Variants in SNX29 observed in about 807,000 individuals in gnomAD.
SNX29 encodes the protein sorting nexin-29.
SNX29 carries 78 observed loss-of-function variants against 102.1 expected under a neutral mutation model. The observed-to-expected ratio is 0.76, with a 90% CI of 0.64 to 0.92. The LOEUF (loss-of-function observed/expected upper bound fraction) is 0.92. SNX29 is among the 40% of genes least tolerant of loss of function. SNX29 has a pLI of 0.00. For missense variants in SNX29, 1,280 were observed against 1,061.7 expected, an observed-to-expected ratio of 1.21 and a Z score of -2.86; for synonymous variants, 580 against 414.5, an observed-to-expected ratio of 1.40 and a Z score of -4.85.
At chr16:12,469,641 A>G (rs9924326) in intron 18 of SNX29, among the ~76,000 whole-genome samples, 10,715 of 152,214 alleles carry the variant, frequency 0.07, 631 homozygotes, top group East Asian at 0.29. Flanking sequence ...GCCCGGTGCT[A>G]GTTCCGCTGC....
intron 15 of SNX29, among the ~76,000 whole-genome samples, chr16:12,312,179 T>TCCA (rs1156648393): frequency 6.6e-6 from 1 of 152,220 alleles, no homozygotes; most frequent in Non-Finnish European, 1.5e-5. Flanking sequence ...AAAAAGGATA[T>TCCA]TGGGGGCTAT....
chr16:12,408,575 C>T (rs2084268318), intron 18 of SNX29, among the ~76,000 whole-genome samples: 2 of 152,246 alleles, frequency 1.3e-5, no homozygotes, highest in African/African-American at 4.8e-5. Context: ...AATCCCAGCA[C>T]TTTGGGAAGC....
chr16:12,217,118 T>A (rs1013001116), intron 14 of SNX29, among the ~76,000 whole-genome samples: 1 of 152,200 alleles, frequency 6.6e-6, no homozygotes, highest in Non-Finnish European at 1.5e-5. Flanking sequence ...ATCCTTGACT[T>A]CCCAGGCTCA....
chr16:12,461,291 A>C (rs2086766438), intron 18 of SNX29, among the ~76,000 whole-genome samples: 1 of 152,188 alleles, frequency 6.6e-6, no homozygotes, highest in African/African-American at 2.4e-5. Context: ...CATTGGGTGA[A>C]CTTCAAGAGA....
chr16:12,115,999 T>C (rs1214978766), intron 11 of SNX29, among the ~76,000 whole-genome samples: 1 of 152,246 alleles, frequency 6.6e-6, no homozygotes, highest in African/African-American at 2.4e-5. Flanking sequence ...TAAACAATAT[T>C]TGGATTCATT....
intron 18 of SNX29, among the ~76,000 whole-genome samples, chr16:12,471,619 G>A (rs868109304): frequency 5.3e-5 from 8 of 152,272 alleles, no homozygotes; most frequent in East Asian, 3.9e-4. Context: ...CCCCATCTAC[G>A]GCCTGGCTTA....
At chr16:12,244,336 C>A (rs760839633) in intron 14 of SNX29, among the ~76,000 whole-genome samples, 1 of 152,134 alleles carries the variant, frequency 6.6e-6, no homozygotes, top group African/African-American at 2.4e-5. Context: ...AAGCCAGGCA[C>A]GATGGTTCAC....
intron 20 of SNX29, among the ~76,000 whole-genome samples, chr16:12,533,806 A>G (rs565776315): frequency 6.6e-6 from 1 of 152,312 alleles, no homozygotes; most frequent in African/African-American, 2.4e-5. Flanking sequence ...AGGCCCCATC[A>G]AAAGGGATCA....
At chr16:12,477,476 T>C (rs1430360557) in intron 18 of SNX29, among the ~76,000 whole-genome samples, 1 of 152,204 alleles carries the variant, frequency 6.6e-6, no homozygotes, top group Non-Finnish European at 1.5e-5. Context: ...TCTGTTGATG[T>C]TGGGAAAATA....
rs573137326 is a variant in SNX29 at position 12,571,999 on chromosome 16, G to C, written c.*3370G>C. ...CCATCTTCACATCCAGTCACCAGTT[G>C]CATCTAGGGAGCTGCTGGCTATAAA... On this transcript the variant is annotated 3_prime_UTR_variant, in exon 21 of 21. Coordinates refer to ENST00000566228, the MANE Select transcript of SNX29 (RefSeq NM_032167.5). 4.3e-5 allele frequency: 46 copies of C among 1,062,396 alleles called. No individual in the cohort carries two copies. Among genetic ancestry groups the C allele is most frequent in the African/African-American group, 3.9e-4 (24 of 61,014 alleles). The allele number at this position is 1,062,396 out of a possible 1,614,324, so 65.8% of individuals were successfully genotyped here. A position where few individuals can be genotyped will look rare whatever the true frequency, so the allele number is the denominator to read the frequency against.
At chr16:12,553,093 C>T (rs946257869) in intron 20 of SNX29, among the ~76,000 whole-genome samples, 1 of 151,912 alleles carries the variant, frequency 6.6e-6, no homozygotes, top group African/African-American at 2.4e-5. Flanking sequence ...ATAGTTCAGG[C>T]TTGGCCTGGG....
chr16:12,538,621 C>G (rs540611036), intron 20 of SNX29, among the ~76,000 whole-genome samples: 7 of 152,058 alleles, frequency 4.6e-5, no homozygotes, highest in Admixed American at 2.6e-4. Flanking sequence ...AGGGCCTTGA[C>G]TAGGAAGAAT....
chr16:12,546,431 T>C (rs1419328995), intron 20 of SNX29: 1 of 152,158 alleles, frequency 6.6e-6, no homozygotes, highest in African/African-American at 2.4e-5. Flanking sequence ...GCACCATCGA[T>C]GTGAGCTAGG....
chr16:12,124,646 A>C (rs1190039974), intron 11 of SNX29, among the ~76,000 whole-genome samples: 2 of 152,226 alleles, frequency 1.3e-5, no homozygotes, highest in Admixed American at 1.3e-4. Flanking sequence ...ACAGGAGCAG[A>C]GATTCATTGA....
intron 1 of SNX29, chr16:11,983,773 A>T: frequency 1.1e-6 from 1 of 910,930 alleles, no homozygotes; most frequent in Non-Finnish European, 1.3e-6. Flanking sequence ...CCAAGATTTT[A>T]TAGATTTCTC....
Position 12,356,180 on chromosome 16 carries a change from C to A in SNX29, c.1800C>A (p.Gly600=). The change falls in exon 16 of 21, where the codon GGC becomes GGA. Residue 600 remains glycine (G), a synonymous_variant. Transcript: ENST00000566228. ...TGTTCCAGGTGGCAGAGATGCATGG[C>A]GAGCTGATTGAGTTCAACGAGCGCC... ...RKLIEVAEMH[G]ELIEFNERLH... 1 of 1,612,812 alleles carries A rather than the reference C, an allele frequency of 6.2e-7. No homozygotes were observed.
chr16:12,139,077 C>T (rs1488945841), intron 13 of SNX29, among the ~76,000 whole-genome samples: 1 of 151,588 alleles, frequency 6.6e-6, no homozygotes, highest in African/African-American at 2.4e-5. Context: ...TGGTGTGTAC[C>T]TGTAATCCCA....
At chr16:12,309,612 G>T (rs1456310370) in intron 15 of SNX29, among the ~76,000 whole-genome samples, 1 of 152,168 alleles carries the variant, frequency 6.6e-6, no homozygotes, top group Non-Finnish European at 1.5e-5. Context: ...GGCACCTGTC[G>T]TCACATAGTA....
At chr16:12,549,062 C>T (rs1398580148) in intron 20 of SNX29, among the ~76,000 whole-genome samples, 1 of 152,214 alleles carries the variant, frequency 6.6e-6, no homozygotes, top group Admixed American at 6.5e-5. Context: ...TGCAGCTGGG[C>T]AGGCATCATA....
Sources: gnomAD v4.1 joint callset for allele counts (sites outside exome capture counted in the v4.1 genomes callset) on GRCh38, gnomAD v4.1.1 for gene constraint, MANE v1.5 for transcripts, NCBI Gene and HGNC (gene_info 2026-07-23, HGNC 2026-07-21) for gene names.